The following AFAP1 variants were observed in gnomAD, a reference collection of about 807,000 sequenced individuals.
AFAP1 encodes actin filament-associated protein 1.
In AFAP1, 75 loss-of-function variants were observed where a neutral mutation model predicts 93.9. That is an observed-to-expected ratio of 0.80 (90% confidence interval 0.66 to 0.97). The LOEUF is 0.97. AFAP1 is among the 50% of genes least tolerant of loss of function. AFAP1 has a pLI of 0.00. For synonymous variants in AFAP1, 517 were observed against 430.7 expected, an observed-to-expected ratio of 1.20 and a Z score of -2.48; for missense variants, 1,201 against 1,050.8, an observed-to-expected ratio of 1.14 and a Z score of -1.98.
At chr4:7,771,988 A>G (rs111227966) in intron 16 of AFAP1, among the ~76,000 whole-genome samples, 16 of 152,302 alleles carry the variant, frequency 1.1e-4, no homozygotes, top group South Asian at 4.1e-4. Flanking sequence ...AAATGTGTCA[A>G]TCTTCCCCAC....
At chr4:7,848,541 A>T (rs28638094) in intron 4 of AFAP1, among the ~76,000 whole-genome samples, 1 of 151,938 alleles carries the variant, frequency 6.6e-6, no homozygotes, top group African/African-American at 2.4e-5. Context: ...GGGAGAAAGA[A>T]GTCTCCCAGC....
chr4:7,828,933 C>T (rs1721660809), intron 6 of AFAP1, among the ~76,000 whole-genome samples: 1 of 152,214 alleles, frequency 6.6e-6, no homozygotes, highest in African/African-American at 2.4e-5. Context: ...ATCCCCATGT[C>T]TCATGGGAGG....
intron 6 of AFAP1, among the ~76,000 whole-genome samples, chr4:7,826,878 T>C (rs1482790426): frequency 6.6e-6 from 1 of 152,120 alleles, no homozygotes. Flanking sequence ...ACGCATGGAA[T>C]GTCATGGAAA....
At chr4:7,831,006 T>C (rs1323616805) in intron 6 of AFAP1, among the ~76,000 whole-genome samples, 1 of 152,172 alleles carries the variant, frequency 6.6e-6, no homozygotes, top group African/African-American at 2.4e-5. Flanking sequence ...ATTCTATCTG[T>C]AGCATTTTAG....
At chr4:7,796,991 TG>T (rs1348038679) in intron 10 of AFAP1, among the ~76,000 whole-genome samples, 1 of 150,774 alleles carries the variant, frequency 6.6e-6, no homozygotes, top group Non-Finnish European at 1.5e-5. Context: ...ACCTGGGACG[TG>T]GAGGTTACAG....
intron 7 of AFAP1, among the ~76,000 whole-genome samples, chr4:7,817,861 G>C (rs1268639349): frequency 5.9e-5 from 9 of 151,360 alleles, no homozygotes; most frequent in Admixed American, 5.9e-4. Context: ...TAATATATCA[G>C]TAGTGTTAAG....
chr4:7,855,465 C>A lies in AFAP1; in HGVS notation c.334+1G>T, dbSNP rs759494863. ...ATGGCTGGGCAGGGCTGGCCACTCA[C>A]TTGATGTGATGTATTCCGGAGCTTT... On this transcript the variant is annotated splice_donor_variant, in intron 4 of 17. Transcript: ENST00000420658. LOFTEE classifies it high-confidence loss of function. 1 of 1,599,304 alleles carries A rather than the reference C, an allele frequency of 6.3e-7. No homozygotes were observed. The highest frequency in any genetic ancestry group is 1.7e-5 in the Admixed American group (1 of 59,102).
intron 1 of AFAP1, among the ~76,000 whole-genome samples, chr4:7,924,123 T>A (rs973597010): frequency 1.3e-5 from 2 of 152,222 alleles, no homozygotes; most frequent in African/African-American, 4.8e-5. Context: ...CATTTAGTTG[T>A]CTTTCAATGA....
At chr4:7,784,795 G>T (rs1263750351) in intron 12 of AFAP1, among the ~76,000 whole-genome samples, 8 of 152,138 alleles carry the variant, frequency 5.3e-5, no homozygotes, top group Non-Finnish European at 1.0e-4. Context: ...AGCACTGGGG[G>T]TCCTCAGCCC....
At chr4:7,880,341 A>G (rs1717770387) in intron 1 of AFAP1, among the ~76,000 whole-genome samples, 1 of 137,776 alleles carries the variant, frequency 7.3e-6, no homozygotes, top group Admixed American at 7.9e-5. Flanking sequence ...GTACAGTGGC[A>G]TAATCTTGGC....
At chr4:7,850,940 G>A (rs961358165) in intron 4 of AFAP1, among the ~76,000 whole-genome samples, 1 of 152,176 alleles carries the variant, frequency 6.6e-6, no homozygotes, top group East Asian at 1.9e-4. Context: ...AGGTGCTCAG[G>A]CCACAGCCAA....
intron 1 of AFAP1, among the ~76,000 whole-genome samples, chr4:7,930,205 A>T (rs1042448571): frequency 3.3e-5 from 5 of 152,194 alleles, no homozygotes; most frequent in Non-Finnish European, 7.4e-5. Flanking sequence ...AATGCAAGAG[A>T]CGCACAGGGC....
At chr4:7,774,583 A>G in intron 15 of AFAP1, 156 bp downstream of exon 15, 1 of 1,188,848 alleles carries the variant, frequency 8.4e-7, no homozygotes, top group Non-Finnish European at 1.1e-6. Flanking sequence ...GTTACCAGCA[A>G]TGTTTCCAAG....
chr4:7,838,344 G>T (rs949617796), intron 6 of AFAP1, among the ~76,000 whole-genome samples, 180 bp downstream of exon 6: 1 of 152,214 alleles, frequency 6.6e-6, no homozygotes, highest in Non-Finnish European at 1.5e-5. Context: ...GAGTGAAAGT[G>T]ACGCGGGGTT....
chr4:7,838,539 G>C lies in AFAP1; in HGVS notation c.711C>G (p.Ala237=), dbSNP rs529242972. ...LVLAVQSKEQ[A]EQWLKVIKEA... ...GACAACCTACCTTCAGCCACTGCTC[G>C]GCCTGTTCCTTGCTCTGGACGGCGA... Residue 237 remains alanine (A), a synonymous_variant, in exon 6 of 18, where the codon GCC becomes GCG. Transcript: ENST00000420658. 9 of 1,613,678 alleles carry C rather than the reference G, an allele frequency of 5.6e-6. No homozygotes were observed. The East Asian group carries it at 1.1e-4, about 20-fold the overall frequency.
intron 6 of AFAP1, among the ~76,000 whole-genome samples, chr4:7,830,421 G>C (rs1416461747): frequency 1.3e-5 from 2 of 152,228 alleles, no homozygotes; most frequent in African/African-American, 2.4e-5. Context: ...ACGGCACCTC[G>C]GCCTGCAGTA....
intron 14 of AFAP1, chr4:7,775,495 C>T (rs1716003747): frequency 6.6e-6 from 1 of 152,598 alleles, no homozygotes; most frequent in Non-Finnish European, 1.5e-5. Context: ...TCTTCAAATC[C>T]TTCCCTAACA....
intron 17 of AFAP1, among the ~76,000 whole-genome samples, chr4:7,764,510 A>AT (rs1714277536): frequency 6.6e-6 from 1 of 151,692 alleles, no homozygotes; most frequent in Non-Finnish European, 1.5e-5. Flanking sequence ...AATGTGCTTA[A>AT]TGCCACTGAA....
intron 5 of AFAP1, 47 bp from the exon 6 acceptor site, chr4:7,838,750 C>G (rs753417699): frequency 6.3e-7 from 1 of 1,591,196 alleles, no homozygotes; most frequent in East Asian, 2.2e-5. Context: ...GGAGTTCGAA[C>G]AGAAACACTG....
Sources: allele counts gnomAD v4.1 joint callset (sites outside exome capture counted in the v4.1 genomes callset), GRCh38; gene constraint gnomAD v4.1.1; transcripts MANE v1.5; gene names NCBI Gene and HGNC (gene_info 2026-07-23, HGNC 2026-07-21).